The following FOXP2 variants were observed in gnomAD, a reference collection of about 807,000 sequenced individuals.
FOXP2 encodes forkhead box P2.
A neutral mutation model predicts 115.8 loss-of-function variants in FOXP2; 12 were observed. The ratio of observed to expected loss-of-function variants is 0.10; its 90% CI spans 0.07 to 0.17. FOXP2 has a LOEUF of 0.17. FOXP2 is among the 10% of genes least tolerant of loss of function. The pLI, the probability that FOXP2 is intolerant of heterozygous loss-of-function variation, is 1.00. For synonymous variants in FOXP2, 328 were observed against 297.7 expected (o/e 1.10, Z -1.05); for missense variants, 629 against 843.5 (o/e 0.75, Z 3.15).
intron 2 of FOXP2, among the ~76,000 whole-genome samples, chr7:114,391,118 C>T (rs1004187337): frequency 2.6e-5 from 4 of 151,564 alleles, no homozygotes; most frequent in South Asian, 2.1e-4. Flanking sequence ...ACCCGGGAGG[C>T]GGAGGTTGCA....
chr7:114,499,231 A>AT, intron 2 of FOXP2: 1 of 310,742 alleles, frequency 3.2e-6, no homozygotes. Context: ...ATTATGGAGG[A>AT]TTGCATGCAG....
chr7:114,473,962 A>G (rs1796152545), intron 2 of FOXP2, among the ~76,000 whole-genome samples: 2 of 152,178 alleles, frequency 1.3e-5, no homozygotes, highest in African/African-American at 4.8e-5. Context: ...TTTACGTCAC[A>G]TTCACAACCC....
intron 2 of FOXP2, among the ~76,000 whole-genome samples, chr7:114,503,487 TA>T (rs1166701674): frequency 6.6e-6 from 1 of 151,450 alleles, no homozygotes; most frequent in Non-Finnish European, 1.5e-5. Flanking sequence ...TATCTTGATA[TA>T]AAAATATTAA....
intron 1 of FOXP2, among the ~76,000 whole-genome samples, chr7:114,252,002 G>C (rs1083151): frequency 0.99 from 150,899 of 152,274 alleles, 74,789 homozygotes; most frequent in Middle Eastern, 1. Flanking sequence ...TAGCATGAAG[G>C]GTTGTTGAAT....
At chr7:114,655,007 G>T (rs1243941523) in intron 10 of FOXP2, among the ~76,000 whole-genome samples, 2 of 151,828 alleles carry the variant, frequency 1.3e-5, no homozygotes, top group African/African-American at 4.8e-5. Flanking sequence ...CTTTTCCTTT[G>T]TACTGTATTT....
chr7:114,672,996 C>T (rs1340996920), intron 16 of FOXP2, among the ~76,000 whole-genome samples: 5 of 152,166 alleles, frequency 3.3e-5, no homozygotes, highest in Admixed American at 1.3e-4. Flanking sequence ...AGCCAGAATG[C>T]AAGTTATTAA....
At chr7:114,364,373 C>A (rs1244722914) in intron 2 of FOXP2, among the ~76,000 whole-genome samples, 1 of 152,182 alleles carries the variant, frequency 6.6e-6, no homozygotes, top group Non-Finnish European at 1.5e-5. Context: ...AGCTGGCTGG[C>A]AAATGTGTGC....
intron 1 of FOXP2, among the ~76,000 whole-genome samples, chr7:114,199,516 G>T (rs186206855): frequency 1.3e-5 from 2 of 152,290 alleles, no homozygotes; most frequent in Admixed American, 1.3e-4. Context: ...AAAGGGAGCA[G>T]AGCTAAGAGA....
chr7:114,568,200 G>C (rs534064101), intron 3 of FOXP2, among the ~76,000 whole-genome samples: 68 of 151,942 alleles, frequency 4.5e-4, no homozygotes, highest in African/African-American at 1.6e-3. Context: ...TGTGTCTCTT[G>C]TTCCTATGGA....
intron 3 of FOXP2, among the ~76,000 whole-genome samples, chr7:114,565,101 T>A (rs1368270483): frequency 2.1e-5 from 3 of 145,506 alleles, no homozygotes; most frequent in African/African-American, 7.6e-5. Context: ...ATGCAACCAA[T>A]TTTTTTTTTT....
At chr7:114,421,097 C>T (rs1793599015) in intron 1 of FOXP2, among the ~76,000 whole-genome samples, 1 of 151,570 alleles carries the variant, frequency 6.6e-6, no homozygotes, top group South Asian at 2.1e-4. Context: ...GATACAGAAT[C>T]ATAATGTTGC....
intron 16 of FOXP2, among the ~76,000 whole-genome samples, chr7:114,674,307 C>A (rs1807648142): frequency 6.6e-6 from 1 of 152,170 alleles, no homozygotes; most frequent in African/African-American, 2.4e-5. Flanking sequence ...GCATTTTCTA[C>A]TTATATCCTG....
chr7:114,267,027 A>G (rs1562844957), intron 1 of FOXP2, among the ~76,000 whole-genome samples: 1 of 152,232 alleles, frequency 6.6e-6, no homozygotes, highest in African/African-American at 2.4e-5. Flanking sequence ...AGGGAAAAAA[A>G]CAAATGAGCA....
At chr7:114,212,106 AAATAAAATAAAAT>A (rs1794369579) in intron 1 of FOXP2, among the ~76,000 whole-genome samples, 1 of 95,120 alleles carries the variant, frequency 1.1e-5, no homozygotes, top group African/African-American at 2.7e-5. Context: ...AAATAAAATA[AAATAAAATAAAAT>A]AAAATATATA....
Position 114,200,019 on chromosome 7 carries a change from T to G in FOXP2, c.-102+36931T>G, listed in dbSNP as rs575483841. Among the ~76,000 whole-genome samples the G allele has an allele frequency of 1.5e-3, 224 of 152,338 alleles. 1 individual carries two copies. Among genetic ancestry groups the G allele is most frequent in the Admixed American group, 3.2e-3 (49 of 15,300 alleles). ...CATATCCTGCCTTGTATTATAATTA[T>G]TTAATAGCTTAAAAATTGTAATCTA... is the stretch of plus-strand genomic sequence containing the variant. On this transcript the variant is annotated intron_variant, in intron 1 of 17. Transcript: ENST00000634411.
intron 1 of FOXP2, among the ~76,000 whole-genome samples, chr7:114,283,190 T>C (rs530173094): frequency 3.8e-4 from 58 of 152,312 alleles, no homozygotes; most frequent in African/African-American, 1.4e-3. Context: ...CTTGTTTGGC[T>C]ATAGTTAACT....
chr7:114,439,787 T>C (rs1039583889), intron 2 of FOXP2, among the ~76,000 whole-genome samples: 2 of 152,086 alleles, frequency 1.3e-5, no homozygotes, highest in African/African-American at 2.4e-5. Context: ...TTGCCCAGAC[T>C]GGTCTTGAAC....
intron 1 of FOXP2, among the ~76,000 whole-genome samples, chr7:114,157,093 G>C (rs1181759640): frequency 2.0e-5 from 3 of 152,096 alleles, no homozygotes; most frequent in African/African-American, 7.2e-5. Flanking sequence ...AACTGTCTTT[G>C]AGTTATACTA....
rs1422797261 is a variant in FOXP2 at position 114,415,210 on chromosome 7, G to A, written c.-161G>A. On this transcript the variant is annotated 5_prime_UTR_variant, in exon 1 of 17. The change creates a new upstream start codon in the 5' untranslated region. Transcript: ENST00000350908. ...TACTGCTGTAAATAGTTGTCTGATG[G>A]TGGCTTTGACAGTGAGCTAGCTTCT... 2 of 453,952 alleles carry A rather than the reference G, an allele frequency of 4.4e-6. No homozygotes were observed. Among genetic ancestry groups the A allele is most frequent in the Admixed American group, 2.4e-5 (1 of 42,502 alleles). The allele number at this position is 453,952 out of a possible 1,614,324, so 28.1% of individuals were successfully genotyped here.
Sources: allele counts gnomAD v4.1 joint callset (sites outside exome capture counted in the v4.1 genomes callset), GRCh38; gene constraint gnomAD v4.1.1; transcripts MANE v1.5; gene names NCBI Gene and HGNC (gene_info 2026-07-23, HGNC 2026-07-21).